Variants in SNAP91 observed in about 807,000 individuals in gnomAD.
The protein encoded by SNAP91 is synaptosome associated protein 91.
SNAP91 carries 27 observed loss-of-function variants against 100.3 expected under a neutral mutation model. The observed-to-expected ratio is 0.27, with a 90% CI of 0.20 to 0.37. The LOEUF (loss-of-function observed/expected upper bound fraction) is 0.37, where lower values mean the gene tolerates loss of function less well. Among genes scored for constraint, SNAP91 ranks in the 10% least tolerant of loss-of-function variants. SNAP91 has a pLI of 1.00. For missense variants in SNAP91, 986 were observed against 1,123.7 expected, an observed-to-expected ratio of 0.88 and a Z score of 1.75; for synonymous variants, 404 against 398.6, an observed-to-expected ratio of 1.01 and a Z score of -0.16.
At chr6:83,603,500 A>G (rs1185888515) in intron 14 of SNAP91, among the ~76,000 whole-genome samples, 1 of 152,064 alleles carries the variant, frequency 6.6e-6, no homozygotes, top group Non-Finnish European at 1.5e-5. Flanking sequence ...CAGAAGCTAC[A>G]TGCATGAGCC....
At chr6:83,580,746 C>A in intron 23 of SNAP91, 147 bp from the exon 24 acceptor site, 1 of 672,164 alleles carries the variant, frequency 1.5e-6, no homozygotes, top group Non-Finnish European at 2.4e-6. Context: ...CTTTTCATGA[C>A]TGTAACACCA....
In SNAP91 at chr6:83,682,821, CT is replaced by C. The variant is rs544106858; in HGVS notation, c.131-17241del. 8.8e-5 allele frequency among the ~76,000 whole-genome samples: 13 copies of C among 147,230 alleles called. No individual in the cohort carries two copies. The East Asian group carries it at 1.0e-3, about 12-fold the overall frequency. ...ATTGTTCAATTCCCTTTAAATTAGCCTTTTTTTTTGAGGAAAAGGAAACATA... is the reference window on the plus strand; with the variant it reads ...ATTGTTCAATTCCCTTTAAATTAGCCTTTTTTTTGAGGAAAAGGAAACATA... On this transcript the variant is annotated intron_variant, in intron 2 of 29. Coordinates refer to ENST00000369694, the MANE Select transcript of SNAP91 (RefSeq NM_001242792.2).
At chr6:83,623,557 T>C (rs2096815228) in intron 8 of SNAP91, among the ~76,000 whole-genome samples, 1 of 152,122 alleles carries the variant, frequency 6.6e-6, no homozygotes, top group Non-Finnish European at 1.5e-5. Context: ...ACATAACAAA[T>C]GTATAGAATT....
intron 28 of SNAP91, among the ~76,000 whole-genome samples, chr6:83,558,563 G>A (rs1782325910): frequency 6.6e-6 from 1 of 152,184 alleles, no homozygotes; most frequent in Admixed American, 6.5e-5. Context: ...GGGGCAAAGT[G>A]AAGAAGCTGA....
intron 17 of SNAP91, 52 bp downstream of exon 17, chr6:83,594,322 G>A: frequency 9.3e-6 from 13 of 1,396,462 alleles, no homozygotes; most frequent in Middle Eastern, 3.6e-4. Context: ...AACTACGGGG[G>A]TTTTACATTA....
intron 2 of SNAP91, chr6:83,686,893 C>T (rs1375449138): frequency 6.6e-5 from 10 of 152,148 alleles, no homozygotes; most frequent in Non-Finnish European, 1.2e-4. Context: ...TACACTCTTG[C>T]TAATTAACAA....
chr6:83,596,181 A>G (rs1312932395), intron 16 of SNAP91, among the ~76,000 whole-genome samples: 3 of 152,154 alleles, frequency 2.0e-5, no homozygotes, highest in African/African-American at 7.2e-5. Context: ...CAGCCTCCTC[A>G]CGGACTGGGA....
chr6:83,600,020 A>G (rs564613845), intron 16 of SNAP91, among the ~76,000 whole-genome samples: 1 of 152,268 alleles, frequency 6.6e-6, no homozygotes, highest in East Asian at 1.9e-4. Context: ...CCTGAGCTCA[A>G]GCAATTCTCC....
intron 22 of SNAP91, among the ~76,000 whole-genome samples, chr6:83,584,357 T>A (rs2091911125): frequency 1.3e-5 from 2 of 152,174 alleles, no homozygotes; most frequent in South Asian, 4.1e-4. Flanking sequence ...ATCTCATGGC[T>A]AGAAGAAATG....
rs1294685099 is a variant in SNAP91, at chr6:83,575,057, C to T, written c.2395G>A (p.Val799Ile). ...LTGGANWQPK[V>I]APATWSAGVP... ...CCTGCTGACCAGGTTGCTGGAGCTA[C>T]TTTAGGCTGCCAGTTGGCTCCACCA... is the stretch of plus-strand genomic sequence containing the variant. The change falls in exon 26 of 30, where the codon GTA (valine) becomes ATA (isoleucine). Residue 799 changes from valine (V) to isoleucine (I), a missense_variant. Around this residue, in one of 4 missense-constraint regions of SNAP91, gnomAD observed 575 missense variants for 579.9 expected, o/e 0.99. Transcript: ENST00000369694. The T allele has an allele frequency of 6.9e-6, 11 of 1,605,230 alleles. No individual in the cohort carries two copies. Among genetic ancestry groups the T allele is most frequent in the Middle Eastern group, 1.7e-4 (1 of 6,048 alleles).
chr6:83,672,384 A>C (rs974031409), intron 2 of SNAP91, among the ~76,000 whole-genome samples: 5 of 152,114 alleles, frequency 3.3e-5, no homozygotes, highest in Non-Finnish European at 7.3e-5. Context: ...GGACAAGTTA[A>C]TTTGACCACT....
chr6:83,602,419 T>C (rs532183733), intron 14 of SNAP91, among the ~76,000 whole-genome samples: 1 of 152,280 alleles, frequency 6.6e-6, no homozygotes, highest in African/African-American at 2.4e-5. Flanking sequence ...ACCATCCAAT[T>C]AGGCTTACAG....
chr6:83,655,394 C>T (rs1381484798), intron 7 of SNAP91, among the ~76,000 whole-genome samples: 4 of 152,108 alleles, frequency 2.6e-5, no homozygotes, highest in Non-Finnish European at 4.4e-5. Flanking sequence ...ACTGATGCCA[C>T]GTGGGGCTCT....
chr6:83,645,721 C>T (rs1327663161), intron 7 of SNAP91, among the ~76,000 whole-genome samples: 2 of 151,976 alleles, frequency 1.3e-5, no homozygotes, highest in Non-Finnish European at 2.9e-5. Context: ...AGTGGTGGTG[C>T]GTGTCTGTAA....
chr6:83,678,514 C>A (rs977556180), intron 2 of SNAP91, among the ~76,000 whole-genome samples: 2 of 152,196 alleles, frequency 1.3e-5, no homozygotes, highest in Admixed American at 1.3e-4. Context: ...AGCTGCCTAC[C>A]CACACACGTG....
intron 2 of SNAP91, chr6:83,690,251 C>T: frequency 8.9e-7 from 1 of 1,126,158 alleles, no homozygotes; most frequent in Non-Finnish European, 1.1e-6. Context: ...CAAATCTCTT[C>T]TTGAGAAATA....
At position 83,563,605 on chromosome 6, in the gene SNAP91, C is replaced by T. The variant is rs539636921; in HGVS notation, c.2443-2658G>A. 2.6e-5 allele frequency among the ~76,000 whole-genome samples: 4 copies of T among 152,138 alleles called. No individual in the cohort carries two copies. The South Asian group carries it at 8.3e-4, about 32-fold the overall frequency. ...ACAATCTTTCTTTTATACAGAAATCCCTAAAGAATCCATATACAACAAAAC... is the reference window on the plus strand; with the variant it reads ...ACAATCTTTCTTTTATACAGAAATCTCTAAAGAATCCATATACAACAAAAC... On this transcript the variant is annotated intron_variant, in intron 26 of 29. Coordinates refer to ENST00000369694, the MANE Select transcript of SNAP91 (RefSeq NM_001242792.2).
chr6:83,563,487 G>A (rs1384687472), intron 26 of SNAP91, among the ~76,000 whole-genome samples: 2 of 152,188 alleles, frequency 1.3e-5, no homozygotes, highest in Non-Finnish European at 2.9e-5. Flanking sequence ...AGGAGGTTAT[G>A]AAAGTTCTAA....
At chr6:83,671,757 A>G (rs1342661548) in intron 2 of SNAP91, among the ~76,000 whole-genome samples, 1 of 152,122 alleles carries the variant, frequency 6.6e-6, no homozygotes, top group Non-Finnish European at 1.5e-5. Context: ...ACAAGAAAAT[A>G]GCAACAAATA....
Sources: allele counts gnomAD v4.1 joint callset (sites outside exome capture counted in the v4.1 genomes callset), GRCh38; gene constraint gnomAD v4.1.1; regional missense constraint gnomAD v4.1.1; transcripts MANE v1.5; gene names NCBI Gene and HGNC (gene_info 2026-07-23, HGNC 2026-07-21).